The following STK3 variants were observed in gnomAD, a reference collection of about 807,000 sequenced individuals.
STK3 encodes the protein serine/threonine-protein kinase 3.
In STK3, 41 loss-of-function variants were observed where a neutral mutation model predicts 58.0. The observed-to-expected ratio is 0.71, with a 90% CI of 0.55 to 0.92. STK3 has a LOEUF of 0.92. STK3 is among the 40% of genes least tolerant of loss of function. The pLI, the probability that STK3 is intolerant of heterozygous loss-of-function variation, is 0.00. For missense variants in STK3, 479 were observed against 602.7 expected, an observed-to-expected ratio of 0.79 and a Z score of 2.15; for synonymous variants, 170 against 191.0, an observed-to-expected ratio of 0.89 and a Z score of 0.91.
intron 1 of STK3, among the ~76,000 whole-genome samples, chr8:98,930,791 G>T (rs1839977576): frequency 6.6e-6 from 1 of 152,156 alleles, no homozygotes; most frequent in Admixed American, 6.5e-5. Context: ...TATTTATCTT[G>T]GGAATTAACT....
At chr8:98,840,553 C>G (rs911938054) in intron 3 of STK3, among the ~76,000 whole-genome samples, 4 of 129,174 alleles carry the variant, frequency 3.1e-5, no homozygotes, top group African/African-American at 1.2e-4. Flanking sequence ...CCTGGGGCAA[C>G]AGAGTGACAA....
chr8:98,383,083 C>A (rs373347481), intron 1 of STK3, among the ~76,000 whole-genome samples: 4 of 152,258 alleles, frequency 2.6e-5, no homozygotes, highest in African/African-American at 9.6e-5. Context: ...TGCCTGTGTT[C>A]TTACTTGCTT....
chr8:98,685,465 C>T lies in STK3; in HGVS notation c.684+21002G>A, dbSNP rs370507786. Among the ~76,000 whole-genome samples the T allele has an allele frequency of 9.9e-5, 15 of 152,192 alleles. No homozygotes were observed. In the East Asian group the frequency reaches 2.5e-3, roughly 25 times the overall value. On this transcript the variant is annotated intron_variant, in intron 6 of 10. Coordinates refer to ENST00000419617, the MANE Select transcript of STK3 (RefSeq NM_006281.4). ...GACCTGTTTATTCTCTTCACTTGTT[C>T]ATGTCTTAAAGAATAATAACTCTGA...
At chr8:98,439,132 A>G (rs1049049143) in intron 1 of STK3, 1 of 151,998 alleles carries the variant, frequency 6.6e-6, no homozygotes, top group African/African-American at 2.4e-5. Flanking sequence ...TGTCATTTTT[A>G]TTTATTGGGT....
At chr8:98,784,890 C>T (rs1308231452) in intron 1 of STK3, among the ~76,000 whole-genome samples, 1 of 152,030 alleles carries the variant, frequency 6.6e-6, no homozygotes, top group Non-Finnish European at 1.5e-5. Flanking sequence ...CATCTGCTCA[C>T]CTGAATCAGC....
intron 3 of STK3, among the ~76,000 whole-genome samples, chr8:98,877,155 A>T (rs1374157632): frequency 1.3e-5 from 2 of 152,244 alleles, no homozygotes; most frequent in Non-Finnish European, 2.9e-5. Context: ...GTAACTAAAG[A>T]TTCAAAGTAA....
At chr8:98,701,585 G>A (rs1213919392) in intron 6 of STK3, among the ~76,000 whole-genome samples, 2 of 151,208 alleles carry the variant, frequency 1.3e-5, no homozygotes, top group African/African-American at 4.9e-5. Flanking sequence ...GACTGCCACC[G>A]TACTCCAGCC....
At chr8:98,552,918 T>C (rs1414949512) in intron 8 of STK3, among the ~76,000 whole-genome samples, 3 of 152,190 alleles carry the variant, frequency 2.0e-5, no homozygotes, top group South Asian at 2.1e-4. Flanking sequence ...ATGAATAAGA[T>C]AGTTTAATTC....
At chr8:98,482,712 T>C (rs939580354) in intron 10 of STK3, among the ~76,000 whole-genome samples, 1 of 152,070 alleles carries the variant, frequency 6.6e-6, no homozygotes, top group Admixed American at 6.5e-5. Context: ...CCAGCAATTC[T>C]AGAAGATTTA....
intron 1 of STK3, among the ~76,000 whole-genome samples, chr8:98,792,167 A>G (rs1832846600): frequency 6.6e-6 from 1 of 152,226 alleles, no homozygotes; most frequent in Non-Finnish European, 1.5e-5. Flanking sequence ...GACAATTCTC[A>G]AAAGAAGATA....
chr8:98,659,924 A>G (rs1484211448), intron 6 of STK3, among the ~76,000 whole-genome samples: 3 of 152,002 alleles, frequency 2.0e-5, no homozygotes, highest in Admixed American at 2.0e-4. Context: ...AGAACAAACC[A>G]GGCAAATGGT....
chr8:98,842,106 T>A (rs998661834), intron 3 of STK3, among the ~76,000 whole-genome samples: 10 of 151,842 alleles, frequency 6.6e-5, no homozygotes, highest in South Asian at 2.1e-4. Flanking sequence ...ATATGAATTT[T>A]AAAAAAAATA....
intron 6 of STK3, among the ~76,000 whole-genome samples, chr8:98,634,315 T>C (rs897656854): frequency 6.6e-6 from 1 of 152,036 alleles, no homozygotes; most frequent in Non-Finnish European, 1.5e-5. Context: ...GGTGAAACCC[T>C]GTCTCTAAAA....
chr8:98,355,298 A>G, the STK3 span, among the ~76,000 whole-genome samples: 13 of 152,290 alleles, frequency 8.5e-5, no homozygotes, highest in African/African-American at 3.1e-4. Flanking sequence ...TCCTCTCTGC[A>G]TGTCTGGCTC....
At chr8:98,584,084 T>G (rs1586925172) in intron 7 of STK3, among the ~76,000 whole-genome samples, 1 of 152,176 alleles carries the variant, frequency 6.6e-6, no homozygotes, top group East Asian at 1.9e-4. Context: ...AAATCTTTTT[T>G]TTTTTAAAGT....
chr8:98,499,620 A>G (rs1823414587), intron 10 of STK3, among the ~76,000 whole-genome samples: 1 of 152,236 alleles, frequency 6.6e-6, no homozygotes, highest in South Asian at 2.1e-4. Context: ...CTTGGAGAAC[A>G]CATATATCAT....
chr8:98,452,892 C>T (rs530724020), downstream of STK3, among the ~76,000 whole-genome samples: 41 of 150,482 alleles, frequency 2.7e-4, no homozygotes, highest in Admixed American at 6.7e-4. Flanking sequence ...TCCCAAGTAG[C>T]TGGGATTACA....
intron 3 of STK3, among the ~76,000 whole-genome samples, chr8:98,756,954 C>T (rs1183974818): frequency 6.6e-6 from 1 of 152,176 alleles, no homozygotes; most frequent in African/African-American, 2.4e-5. Flanking sequence ...CAATCCTAAA[C>T]CTGTTTACCC....
intron 3 of STK3, among the ~76,000 whole-genome samples, chr8:98,838,304 A>G (rs183020315): frequency 1.3e-4 from 20 of 152,264 alleles, no homozygotes; most frequent in African/African-American, 4.6e-4. Context: ...TTCTTGCTTT[A>G]ATCATTTTTC....
Sources: allele counts gnomAD v4.1 joint callset (sites outside exome capture counted in the v4.1 genomes callset), GRCh38; gene constraint gnomAD v4.1.1; transcripts MANE v1.5; gene names NCBI Gene and HGNC (gene_info 2026-07-23, HGNC 2026-07-21).